MAP2K6: variants seen among roughly 807,000 people sequenced by gnomAD.
The protein encoded by MAP2K6 is mitogen-activated protein kinase kinase 6.
A neutral mutation model predicts 53.7 loss-of-function variants in MAP2K6; 16 were observed. The observed-to-expected ratio is 0.30, with a 90% CI of 0.20 to 0.45. The LOEUF (loss-of-function observed/expected upper bound fraction) is 0.45. Among genes scored for constraint, MAP2K6 ranks in the 20% least tolerant of loss-of-function variants. The pLI is 1.00. For synonymous variants in MAP2K6, 132 were observed against 143.1 expected, an observed-to-expected ratio of 0.92 and a Z score of 0.55; for missense variants, 204 against 411.9, an observed-to-expected ratio of 0.50 and a Z score of 4.37.
chr17:69,447,513 T>G (rs994041920), intron 1 of MAP2K6, among the ~76,000 whole-genome samples: 11 of 151,734 alleles, frequency 7.2e-5, no homozygotes, highest in Non-Finnish European at 1.3e-4. Flanking sequence ...GCCTCGCTAA[T>G]TTTTGTATTT....
chr17:69,520,982 A>G (rs577968620), intron 6 of MAP2K6, 67 bp from the exon 7 acceptor site: 3 of 1,280,778 alleles, frequency 2.3e-6, no homozygotes, highest in East Asian at 2.4e-5. Flanking sequence ...ATAAACCTTG[A>G]TATACTTAAC....
intron 10 of MAP2K6, among the ~76,000 whole-genome samples, chr17:69,528,601 G>A (rs1414305895): frequency 6.6e-6 from 1 of 152,038 alleles, no homozygotes; most frequent in Non-Finnish European, 1.5e-5. Flanking sequence ...GCTCACGCCT[G>A]TAATTCCAGC....
chr17:69,429,815 G>A (rs556630084), intron 1 of MAP2K6, among the ~76,000 whole-genome samples: 1 of 152,168 alleles, frequency 6.6e-6, no homozygotes, highest in African/African-American at 2.4e-5. Context: ...TCCTGCTGGG[G>A]TGTTGATGGC....
intron 1 of MAP2K6, among the ~76,000 whole-genome samples, chr17:69,482,197 A>G (rs1482940945): frequency 6.6e-6 from 1 of 152,104 alleles, no homozygotes; most frequent in African/African-American, 2.4e-5. Flanking sequence ...GGTTTTGGCA[A>G]TGTCAGGACT....
chr17:69,552,462 G>T lies in MAP2K6; in HGVS notation c.*10709G>T, dbSNP rs1490371946. ...TGGTTGGAATCATCTCTTCTTTACG[G>T]ATTGCCGCATTGTCTCTTTGTGAAT... On this transcript the variant is annotated 3_prime_UTR_variant, in exon 12 of 12. Transcript: ENST00000590474. 6.6e-6 allele frequency: 1 copy of T among 152,204 alleles called. No individual in the cohort carries two copies. Among genetic ancestry groups the T allele is most frequent in the Non-Finnish European group, 1.5e-5 (1 of 68,056 alleles). 9.4% of individuals were successfully genotyped at this position (152,204 alleles called of 1,614,324 possible). A position where few individuals can be genotyped will look rare whatever the true frequency, so the allele number is the denominator to read the frequency against.
intron 1 of MAP2K6, among the ~76,000 whole-genome samples, chr17:69,493,651 C>G (rs1908837085): frequency 6.6e-6 from 1 of 151,998 alleles, no homozygotes; most frequent in Non-Finnish European, 1.5e-5. Flanking sequence ...GTCCCAGCTA[C>G]TTGGGAGGCT....
chr17:69,532,165 A>G (rs892822554), intron 10 of MAP2K6, among the ~76,000 whole-genome samples: 1 of 152,120 alleles, frequency 6.6e-6, no homozygotes, highest in Non-Finnish European at 1.5e-5. Context: ...CTAGCATAAA[A>G]CACAGACAGT....
chr17:69,502,572 A>G (rs1909224689), intron 1 of MAP2K6: 4 of 985,190 alleles, frequency 4.1e-6, no homozygotes, highest in Non-Finnish European at 4.8e-6. Context: ...GAGCTGATAT[A>G]CTTGGAAATA....
intron 11 of MAP2K6, among the ~76,000 whole-genome samples, chr17:69,537,067 G>A (rs936566071): frequency 5.9e-5 from 9 of 151,344 alleles, no homozygotes; most frequent in African/African-American, 1.7e-4. Flanking sequence ...GGGCAACAGA[G>A]TGAGACCCTG....
At chr17:69,527,779 G>A (rs1237800559) in intron 10 of MAP2K6, among the ~76,000 whole-genome samples, 2 of 152,158 alleles carry the variant, frequency 1.3e-5, no homozygotes, top group Admixed American at 6.5e-5. Flanking sequence ...TGAGGAAGCT[G>A]AAGGAACATC....
At chr17:69,445,346 C>T (rs1264893005) in intron 1 of MAP2K6, among the ~76,000 whole-genome samples, 1 of 152,190 alleles carries the variant, frequency 6.6e-6, no homozygotes, top group Middle Eastern at 3.2e-3. Flanking sequence ...ACCTCAAAAG[C>T]AAAAGGGCTG....
chr17:69,508,559 A>G (rs1909645647), intron 2 of MAP2K6, among the ~76,000 whole-genome samples: 2 of 152,316 alleles, frequency 1.3e-5, no homozygotes, highest in South Asian at 4.1e-4. Context: ...TTTGTCCGAT[A>G]TATATGTGAT....
intron 1 of MAP2K6, among the ~76,000 whole-genome samples, chr17:69,492,435 C>T (rs1433630999): frequency 6.6e-6 from 1 of 152,052 alleles, no homozygotes; most frequent in African/African-American, 2.4e-5. Flanking sequence ...TGTTTTTGTC[C>T]ACTTTGTCGA....
rs1336935571 is a variant in MAP2K6 at position 69,550,409 on chromosome 17, G to A, written c.*8656G>A. The A allele has an allele frequency of 2.6e-5, 4 of 152,204 alleles. No homozygotes were observed. The allele number at this position is 152,204 out of a possible 1,614,324, so 9.4% of individuals were successfully genotyped here. ...AATGTTAGAGAAGGTTACCTGATGA[G>A]CAAGCTTCTTTCCCATAATTCAGAG... On this transcript the variant is annotated 3_prime_UTR_variant, in exon 12 of 12. Coordinates refer to ENST00000590474, the MANE Select transcript of MAP2K6 (RefSeq NM_002758.4).
At chr17:69,463,342 A>G (rs1907684665) in intron 1 of MAP2K6, among the ~76,000 whole-genome samples, 1 of 149,802 alleles carries the variant, frequency 6.7e-6, no homozygotes, top group South Asian at 2.1e-4. Flanking sequence ...GAATATATGT[A>G]TATTATTCAC....
chr17:69,469,650 C>T (rs1359753269), intron 1 of MAP2K6, among the ~76,000 whole-genome samples: 1 of 151,978 alleles, frequency 6.6e-6, no homozygotes, highest in Admixed American at 6.6e-5. Context: ...GTAATCCCAG[C>T]TATTTGGGAG....
chr17:69,422,606 C>T (rs1906128401), intron 1 of MAP2K6, among the ~76,000 whole-genome samples: 1 of 152,220 alleles, frequency 6.6e-6, no homozygotes, highest in African/African-American at 2.4e-5. Flanking sequence ...GATCACAACC[C>T]CTCCCTGTAC....
chr17:69,512,784 A>G (rs896995617), intron 2 of MAP2K6, among the ~76,000 whole-genome samples: 18 of 152,202 alleles, frequency 1.2e-4, no homozygotes, highest in Admixed American at 1.3e-4. Flanking sequence ...TAAGGAAGCT[A>G]TTTTATGTAA....
At chr17:69,489,471 T>C (rs375165877) in intron 1 of MAP2K6, among the ~76,000 whole-genome samples, 1 of 152,228 alleles carries the variant, frequency 6.6e-6, no homozygotes. Flanking sequence ...TCCAGACTTA[T>C]TACCTAAGAC....
Sources: gnomAD v4.1 joint callset for allele counts (sites outside exome capture counted in the v4.1 genomes callset) on GRCh38, gnomAD v4.1.1 for gene constraint, MANE v1.5 for transcripts, NCBI Gene and HGNC (gene_info 2026-07-23, HGNC 2026-07-21) for gene names.